Variants in TRERF1 observed in about 807,000 individuals in gnomAD.
TRERF1 encodes transcriptional regulating factor 1.
TRERF1 carries 27 observed loss-of-function variants against 122.9 expected under a neutral mutation model. The observed-to-expected ratio is 0.22, with a 90% CI of 0.16 to 0.30. The LOEUF (loss-of-function observed/expected upper bound fraction) is 0.30. TRERF1 is among the 10% of genes least tolerant of loss of function. The pLI, the probability that TRERF1 is intolerant of heterozygous loss-of-function variation, is 1.00. For synonymous variants in TRERF1, 636 were observed against 641.7 expected, an observed-to-expected ratio of 0.99 and a Z score of 0.13; for missense variants, 1,248 against 1,560.3, an observed-to-expected ratio of 0.80 and a Z score of 3.37.
chr6:42,369,178 G>A (rs1198213796), intron 2 of TRERF1, among the ~76,000 whole-genome samples: 6 of 152,130 alleles, frequency 3.9e-5, no homozygotes, highest in Admixed American at 1.3e-4. Flanking sequence ...GGCCAGGCAC[G>A]GTGGCTCACA....
At chr6:42,437,654 T>C (rs1785701580) in intron 2 of TRERF1, among the ~76,000 whole-genome samples, 1 of 152,062 alleles carries the variant, frequency 6.6e-6, no homozygotes, top group Non-Finnish European at 1.5e-5. Context: ...TAAGGCGAAA[T>C]GGGAGGTAGG....
At chr6:42,344,698 G>A (rs1167495837) in intron 3 of TRERF1, among the ~76,000 whole-genome samples, 1 of 152,108 alleles carries the variant, frequency 6.6e-6, no homozygotes, top group African/African-American at 2.4e-5. Context: ...CACCTTGGCA[G>A]GACATGCTGC....
chr6:42,233,346 T>C (rs1181111403), intron 16 of TRERF1, among the ~76,000 whole-genome samples: 4 of 147,742 alleles, frequency 2.7e-5, no homozygotes, highest in South Asian at 2.1e-4. Flanking sequence ...AGTGTGGTGG[T>C]GCGGTCTCAG....
At chr6:42,402,463 C>T (rs180930398) in intron 2 of TRERF1, among the ~76,000 whole-genome samples, 8 of 152,286 alleles carry the variant, frequency 5.3e-5, no homozygotes, top group Admixed American at 3.9e-4. Context: ...CACCGCTACT[C>T]GTCAGCATCT....
rs139030824 is a variant in TRERF1 at position 42,267,698 on chromosome 6, C to T, written c.1437+456G>A. On this transcript the variant is annotated intron_variant, in intron 5 of 17. Coordinates refer to ENST00000372922, the Ensembl canonical transcript of TRERF1. ...ATTTATCCTGAGAACCCACTGTTTC[C>T]CCAGCAATATCCATTAAACACTGTG... Among the ~76,000 whole-genome samples the T allele has an allele frequency of 1.8e-3, 280 of 152,268 alleles. 3 individuals carry two copies. Among genetic ancestry groups the T allele is most frequent in the Non-Finnish European group, 3.5e-4 (24 of 68,018 alleles).
chr6:42,268,815 T>C lies in TRERF1; in HGVS notation c.776A>G (p.Gln259Arg). 1 of 1,614,188 alleles carries C rather than the reference T, an allele frequency of 6.2e-7. No individual in the cohort carries two copies. Among genetic ancestry groups the C allele is most frequent in the Non-Finnish European group, 8.5e-7 (1 of 1,180,030 alleles). The change falls in exon 5 of 18, where the codon CAG becomes CGG. Residue 259 changes from glutamine to arginine, a missense_variant. Coordinates refer to ENST00000372922, the Ensembl canonical transcript of TRERF1. The surrounding 1 kb of genome is among the most constrained non-coding windows in gnomAD (Gnocchi z 4.4). ...GTGCTGCTGCATCTGTTGCATGTGC[T>C]GTGACAGCATCTGTGGGGCCTGCAG...
At chr6:42,266,541 A>G (rs1343660191) in intron 5 of TRERF1, among the ~76,000 whole-genome samples, 1 of 152,156 alleles carries the variant, frequency 6.6e-6, no homozygotes, top group Non-Finnish European at 1.5e-5. Context: ...TTATATTTAC[A>G]AAGGCTCTCA....
intron 4 of TRERF1, among the ~76,000 whole-genome samples, chr6:42,270,346 G>C (rs1780000500): frequency 6.6e-6 from 1 of 152,212 alleles, no homozygotes; most frequent in African/African-American, 2.4e-5. Context: ...CAATGGCTCA[G>C]TAGTTCATTG....
intron 2 of TRERF1, among the ~76,000 whole-genome samples, chr6:42,400,952 AG>A (rs1418509080): frequency 6.6e-6 from 1 of 152,240 alleles, no homozygotes; most frequent in Non-Finnish European, 1.5e-5. Flanking sequence ...GGCCTTGGAA[AG>A]GACAGAATTC....
intron 2 of TRERF1, among the ~76,000 whole-genome samples, chr6:42,405,805 A>AAT (rs1554205782): frequency 4.0e-5 from 6 of 151,108 alleles, no homozygotes; most frequent in Non-Finnish European, 8.8e-5. Flanking sequence ...AAAAAAAAAA[A>AAT]AATTAAAAAA....
chr6:42,408,373 C>CTT (rs34753779), intron 2 of TRERF1, among the ~76,000 whole-genome samples: 46,575 of 63,102 alleles, frequency 0.74, 20,936 homozygotes, highest in Non-Finnish European at 0.86. Flanking sequence ...ATATATATAT[C>CTT]TTTTTTTTTT....
Position 42,308,012 on chromosome 6 carries a change from A to G in TRERF1, c.-370-7263T>C, listed in dbSNP as rs77375997. ...AGACACTGGCACCCTATGCATTCCC[A>G]GTAGGGATGGAAAATGGTGTAGCCA... is the stretch of plus-strand genomic sequence containing the variant. On this transcript the variant is annotated intron_variant, in intron 3 of 17. Coordinates refer to ENST00000372922, the Ensembl canonical transcript of TRERF1. Among the ~76,000 whole-genome samples, 650 of 152,362 alleles carry G rather than the reference A, an allele frequency of 4.3e-3. 11 individuals are homozygous for G. In the East Asian group the frequency reaches 0.059, roughly 14 times the overall value.
intron 4 of TRERF1, among the ~76,000 whole-genome samples, chr6:42,278,351 T>G (rs1781680840): frequency 6.6e-6 from 1 of 152,236 alleles, no homozygotes; most frequent in South Asian, 2.1e-4. Context: ...ACTTCCTGTA[T>G]GACAAACTGC....
intron 3 of TRERF1, among the ~76,000 whole-genome samples, chr6:42,360,771 TAAA>T (rs55924002): frequency 7.3e-3 from 267 of 36,432 alleles, no homozygotes; most frequent in Middle Eastern, 0.019. Context: ...GTGGAGAGAT[TAAA>T]AAAAAAAAAA....
At chr6:42,273,190 T>C (rs1780558914) in intron 4 of TRERF1, among the ~76,000 whole-genome samples, 1 of 152,114 alleles carries the variant, frequency 6.6e-6, no homozygotes, top group Admixed American at 6.6e-5. Context: ...TCCTTTCCTT[T>C]AGACTACTCT....
At chr6:42,413,283 A>G (rs1339876288) in intron 2 of TRERF1, among the ~76,000 whole-genome samples, 31 of 152,092 alleles carry the variant, frequency 2.0e-4, no homozygotes, top group Admixed American at 1.9e-3. Context: ...GTATCACTTA[A>G]TATCACTTAA....
intron 2 of TRERF1, among the ~76,000 whole-genome samples, chr6:42,386,429 C>A (rs1228555576): frequency 6.6e-6 from 1 of 151,822 alleles, no homozygotes; most frequent in Non-Finnish European, 1.5e-5. Flanking sequence ...GGCGACATAG[C>A]GAGACCCTGT....
intron 2 of TRERF1, among the ~76,000 whole-genome samples, chr6:42,389,859 A>C (rs1309220398): frequency 6.6e-6 from 1 of 152,256 alleles, no homozygotes; most frequent in Non-Finnish European, 1.5e-5. Context: ...TTCATTTCTC[A>C]GGACCACGTT....
chr6:42,356,290 A>T (rs1414281278), intron 3 of TRERF1, among the ~76,000 whole-genome samples: 1 of 152,216 alleles, frequency 6.6e-6, no homozygotes, highest in Non-Finnish European at 1.5e-5. Flanking sequence ...CCTATGTTGA[A>T]GCCCTAAACC....
Sources: allele counts gnomAD v4.1 joint callset (sites outside exome capture counted in the v4.1 genomes callset), GRCh38; gene constraint gnomAD v4.1.1; non-coding constraint Gnocchi (gnomAD v3.1); transcripts MANE v1.5; gene names NCBI Gene and HGNC (gene_info 2026-07-23, HGNC 2026-07-21).